Variants in CLEC9A observed in about 807,000 individuals in gnomAD.
The protein encoded by CLEC9A is C-type lectin domain containing 9A.
In CLEC9A, 24 loss-of-function variants were observed where a neutral mutation model predicts 30.0. The ratio of observed to expected loss-of-function variants is 0.80; its 90% CI spans 0.58 to 1.13. The LOEUF is 1.13. Ranked by LOEUF, CLEC9A falls within the 50% of genes most tolerant of loss-of-function variation. The probability of loss-of-function intolerance (pLI) is 0.00; values close to 1 mark genes in which losing one functional copy is unlikely to be tolerated. For missense variants in CLEC9A, 251 were observed against 280.9 expected (o/e 0.89, Z 0.76); for synonymous variants, 111 against 96.8 (o/e 1.15, Z -0.86).
intron 7 of CLEC9A, among the ~76,000 whole-genome samples, chr12:10,064,097 C>T (rs879197776): frequency 2.6e-5 from 4 of 152,168 alleles, no homozygotes; most frequent in Admixed American, 2.6e-4. Flanking sequence ...AAATAGAATG[C>T]AAAATTGCAC....
At chr12:10,044,791 T>C (rs1865831574) in intron 2 of CLEC9A, among the ~76,000 whole-genome samples, 1 of 152,190 alleles carries the variant, frequency 6.6e-6, no homozygotes, top group Non-Finnish European at 1.5e-5. Flanking sequence ...CCCACTGAAA[T>C]GGAAGTTCCC....
intron 7 of CLEC9A, 87 bp downstream of exon 7, chr12:10,063,293 C>A: frequency 1.6e-6 from 2 of 1,235,788 alleles, no homozygotes; most frequent in South Asian, 4.3e-5. Context: ...AGACAAAATT[C>A]CTTAATATTC....
At chr12:10,033,118 T>A (rs1346618417) in intron 1 of CLEC9A, among the ~76,000 whole-genome samples, 1 of 152,138 alleles carries the variant, frequency 6.6e-6, no homozygotes, top group Non-Finnish European at 1.5e-5. Flanking sequence ...TCCCTTTTCA[T>A]AACATACATT....
chr12:10,059,435 G>A (rs1182605279), intron 5 of CLEC9A, among the ~76,000 whole-genome samples: 7 of 152,140 alleles, frequency 4.6e-5, no homozygotes, highest in African/African-American at 1.7e-4. Context: ...ATAGACCACA[G>A]TCTTAAAAGT....
chr12:10,048,754 A>C (rs1489718474), intron 2 of CLEC9A, among the ~76,000 whole-genome samples: 1 of 152,202 alleles, frequency 6.6e-6, no homozygotes, highest in Non-Finnish European at 1.5e-5. Flanking sequence ...GCACATCTGC[A>C]GTTACTTCCG....
intron 3 of CLEC9A, chr12:10,052,361 A>C (rs1234929964): frequency 3.2e-6 from 1 of 315,334 alleles, no homozygotes; most frequent in Non-Finnish European, 5.0e-6. Context: ...TTGCACTTAC[A>C]TCTTTTTCTT....
intron 8 of CLEC9A, 142 bp downstream of exon 8, chr12:10,064,995 CA>C: frequency 1.0e-6 from 1 of 984,046 alleles, no homozygotes; most frequent in South Asian, 2.2e-5. Flanking sequence ...TTAAAGCTAA[CA>C]AAATTAAGAG....
At chr12:10,054,000 A>C (rs1865917693) in intron 4 of CLEC9A, among the ~76,000 whole-genome samples, 1 of 152,206 alleles carries the variant, frequency 6.6e-6, no homozygotes, top group Non-Finnish European at 1.5e-5. Context: ...TTAAGGTGTG[A>C]CATCAAAGAT....
chr12:10,044,589 T>A (rs1172494461), intron 2 of CLEC9A, among the ~76,000 whole-genome samples: 1 of 152,208 alleles, frequency 6.6e-6, no homozygotes, highest in Non-Finnish European at 1.5e-5. Flanking sequence ...CACAACTCCA[T>A]GACTGTTTCC....
At chr12:10,053,425 C>A (rs555234536) in intron 4 of CLEC9A, among the ~76,000 whole-genome samples, 1 of 152,220 alleles carries the variant, frequency 6.6e-6, no homozygotes, top group South Asian at 2.1e-4. Context: ...GCTCATGGAC[C>A]CTTCTTCTGT....
chr12:10,061,406 C>T, intron 6 of CLEC9A, 133 bp downstream of exon 6: 1 of 852,602 alleles, frequency 1.2e-6, no homozygotes, highest in Non-Finnish European at 1.7e-6. Context: ...TAATTTTGGT[C>T]ACTCTTCAGT....
chr12:10,046,569 T>C (rs1216051034), intron 2 of CLEC9A, among the ~76,000 whole-genome samples: 1 of 152,240 alleles, frequency 6.6e-6, no homozygotes, highest in Non-Finnish European at 1.5e-5. Context: ...ATAGAATACA[T>C]GGAAAGGCAC....
intron 5 of CLEC9A, 185 bp from the exon 6 acceptor site, chr12:10,060,942 T>C: frequency 1.6e-6 from 1 of 608,824 alleles, no homozygotes; most frequent in South Asian, 2.6e-5. Context: ...CAAAGAGACA[T>C]TTTGTTCCAC....
chr12:10,061,188 A>T lies in CLEC9A; in HGVS notation c.234A>T (p.Ala78=). Residue 78 remains alanine, a synonymous_variant, in exon 6 of 9, where the codon GCA becomes GCT. Transcript: ENST00000355819. ...QQEKLIQQER[A]LLNFTEWKRS... is the part of the protein sequence containing the mutation. ...AAAAACTCATCCAACAAGAGAGGGC[A>T]CTGCTAAACTTTACAGAATGGAAGA... 1 of 1,613,420 alleles carries T rather than the reference A, an allele frequency of 6.2e-7. No homozygotes were observed. The highest frequency in any genetic ancestry group is 8.5e-7 in the Non-Finnish European group (1 of 1,179,762).
chr12:10,047,988 C>T (rs1463755714), intron 2 of CLEC9A, among the ~76,000 whole-genome samples: 1 of 151,918 alleles, frequency 6.6e-6, no homozygotes, highest in Non-Finnish European at 1.5e-5. Context: ...AATCCCAGCA[C>T]TTTGGGAGGC....
At chr12:10,032,522 C>T (rs938880715) in intron 1 of CLEC9A, among the ~76,000 whole-genome samples, 11 of 151,516 alleles carry the variant, frequency 7.3e-5, no homozygotes, top group African/African-American at 2.2e-4. Context: ...TCTCGAGTAG[C>T]TGGGACTAAA....
chr12:10,051,780 G>A (rs1402652258), intron 2 of CLEC9A, among the ~76,000 whole-genome samples: 1 of 152,244 alleles, frequency 6.6e-6, no homozygotes, highest in African/African-American at 2.4e-5. Context: ...GTCGCAAGAT[G>A]TGGCAGAAAT....
rs1249600101 is a variant in CLEC9A, at chr12:10,041,609, C to G, written c.-174C>G. On this transcript the variant is annotated 5_prime_UTR_variant, in exon 2 of 9. Coordinates refer to ENST00000355819, the MANE Select transcript of CLEC9A (RefSeq NM_207345.4). Reference sequence around the variant, plus strand: ...GGCTACTCTCCTGAAGACTGACAACCAGAACATTCTGGTAAGAAGATTCTT... The same window carrying G: ...GGCTACTCTCCTGAAGACTGACAACGAGAACATTCTGGTAAGAAGATTCTT... 3.8e-6 allele frequency: 2 copies of G among 530,180 alleles called. No homozygotes were observed. Among genetic ancestry groups the G allele is most frequent in the East Asian group, 1.1e-4 (2 of 18,576 alleles). 32.8% of individuals were successfully genotyped at this position (530,180 alleles called of 1,614,324 possible).
chr12:10,036,749 G>A (rs1462422004), intron 1 of CLEC9A, among the ~76,000 whole-genome samples: 1 of 152,206 alleles, frequency 6.6e-6, no homozygotes, highest in Admixed American at 6.5e-5. Context: ...ACATCAAAGT[G>A]TAGTAGAAAG....
Sources: allele counts gnomAD v4.1 joint callset (sites outside exome capture counted in the v4.1 genomes callset), GRCh38; gene constraint gnomAD v4.1.1; transcripts MANE v1.5; gene names NCBI Gene and HGNC (gene_info 2026-07-23, HGNC 2026-07-21).